SYCP1: variants seen among roughly 807,000 people sequenced by gnomAD.
SYCP1 encodes cancer/testis antigen 8.
Under a neutral mutation model 153.1 loss-of-function variants are expected in SYCP1, and 64 were observed. The ratio of observed to expected loss-of-function variants is 0.42; its 90% CI spans 0.34 to 0.51. The LOEUF (loss-of-function observed/expected upper bound fraction) is 0.51. SYCP1 is among the 20% of genes least tolerant of loss of function. The pLI is 0.06. For missense variants in SYCP1, 997 were observed against 1,049.0 expected, an observed-to-expected ratio of 0.95 and a Z score of 0.68; for synonymous variants, 384 against 341.8, an observed-to-expected ratio of 1.12 and a Z score of -1.36.
At position 114,969,410 on chromosome 1, in the gene SYCP1, C is replaced by T. The variant is rs191645158; in HGVS notation, c.2323-8147C>T. 5.9e-5 allele frequency among the ~76,000 whole-genome samples: 9 copies of T among 152,262 alleles called. No individual in the cohort carries two copies. In the South Asian group the frequency reaches 8.3e-4, roughly 14 times the overall value. On this transcript the variant is annotated intron_variant, in intron 27 of 31. Coordinates refer to ENST00000369522, the MANE Select transcript of SYCP1 (RefSeq NM_003176.4). ...ATGCTGTGGTGGGCTCTGCTTAGTTCGAACTTCCCTGTGGCTTTGTTTACA... is the reference window on the plus strand; with the variant it reads ...ATGCTGTGGTGGGCTCTGCTTAGTTTGAACTTCCCTGTGGCTTTGTTTACA...
intron 5 of SYCP1, 116 bp from the exon 6 acceptor site, chr1:114,858,431 T>A: frequency 1.3e-6 from 1 of 791,144 alleles, no homozygotes; most frequent in East Asian, 2.7e-5. Context: ...TATTAGTGCT[T>A]AAATTGAGGA....
chr1:114,906,420 G>A (rs1209695267), intron 16 of SYCP1, among the ~76,000 whole-genome samples: 2 of 151,770 alleles, frequency 1.3e-5, no homozygotes, highest in Non-Finnish European at 2.9e-5. Context: ...GCTACTTTGA[G>A]TTTATTTTGC....
intron 30 of SYCP1, among the ~76,000 whole-genome samples, chr1:114,989,171 A>T (rs1054072629): frequency 6.6e-6 from 1 of 151,910 alleles, no homozygotes; most frequent in African/African-American, 2.4e-5. Flanking sequence ...TGTCAAAACA[A>T]AACAAAACAA....
Position 114,947,716 on chromosome 1 carries a change from G to A in SYCP1, c.2322+396G>A, listed in dbSNP as rs561122898. Among the ~76,000 whole-genome samples, 157 of 149,506 alleles carry A rather than the reference G, an allele frequency of 1.1e-3. 2 individuals are homozygous for A. The highest frequency in any genetic ancestry group is 3.7e-3 in the African/African-American group (152 of 40,802). The stretch of plus-strand genomic sequence containing the variant: ...TAGTCCCAGCTACTCGGGAGGCTGA[G>A]GCAGGAGAATGGCGTGAACCCGGGA... On this transcript the variant is annotated intron_variant, in intron 27 of 31. Transcript: ENST00000369522.
At chr1:114,967,477 AG>A (rs1672203678) in intron 27 of SYCP1, among the ~76,000 whole-genome samples, 1 of 152,146 alleles carries the variant, frequency 6.6e-6, no homozygotes. Flanking sequence ...CTGTTTTATC[AG>A]AGACTAGGAT....
At chr1:114,958,823 G>A (rs530970755) in intron 27 of SYCP1, among the ~76,000 whole-genome samples, 6 of 151,128 alleles carry the variant, frequency 4.0e-5, no homozygotes, top group African/African-American at 1.2e-4. Context: ...CCAGCTACTC[G>A]GGAGGCTGAG....
At chr1:114,912,556 G>GC (rs1553193986) in intron 18 of SYCP1, among the ~76,000 whole-genome samples, 13,214 of 150,356 alleles carry the variant, frequency 0.088, 809 homozygotes, top group Non-Finnish European at 0.14. Flanking sequence ...GTTAAATTCA[G>GC]TTTTTTTTTT....
At chr1:114,878,839 A>G (rs1312652144) in intron 12 of SYCP1, among the ~76,000 whole-genome samples, 2 of 152,180 alleles carry the variant, frequency 1.3e-5, no homozygotes, top group Non-Finnish European at 2.9e-5. Context: ...CACTGCGCCT[A>G]GCAAAAATTA....
intron 17 of SYCP1, among the ~76,000 whole-genome samples, chr1:114,911,173 T>C (rs1668153072): frequency 6.6e-6 from 1 of 151,990 alleles, no homozygotes; most frequent in Non-Finnish European, 1.5e-5. Context: ...TTAATATATT[T>C]CTCCTTGATA....
rs548885628 is a variant in SYCP1 at position 114,934,257 on chromosome 1, A to G, written c.1926+7694A>G. On this transcript the variant is annotated intron_variant, in intron 23 of 31. Transcript: ENST00000369522. ...AGAAGAGAGTGGGGGCCAATATTCA[A>G]CATTCTTAAAGAAAAGAATTTTCAA... Among the ~76,000 whole-genome samples, 15 of 152,354 alleles carry G rather than the reference A, an allele frequency of 9.8e-5. No homozygotes were observed. The East Asian group carries it at 1.7e-3, about 18-fold the overall frequency.
intron 3 of SYCP1, 122 bp downstream of exon 3, chr1:114,856,779 ATACT>A (rs1032587359): frequency 4.3e-6 from 3 of 703,666 alleles, no homozygotes; most frequent in African/African-American, 3.7e-5. Flanking sequence ...GCTAGATATA[ATACT>A]TAATATAAAA....
At chr1:114,946,251 T>A (rs1670700334) in intron 25 of SYCP1, 38 bp from the exon 26 acceptor site, 1 of 1,179,878 alleles carries the variant, frequency 8.5e-7, no homozygotes, top group Non-Finnish European at 1.2e-6. Flanking sequence ...ATCTATTCAG[T>A]TTTAATATAT....
chr1:114,931,538 C>G (rs1669633579), intron 23 of SYCP1, among the ~76,000 whole-genome samples: 1 of 151,848 alleles, frequency 6.6e-6, no homozygotes, highest in South Asian at 2.1e-4. Context: ...TGTGCAAGAC[C>G]CATACAGAGA....
At chr1:114,858,885 G>A (rs1045781509) in intron 6 of SYCP1, among the ~76,000 whole-genome samples, 174 bp downstream of exon 6, 2 of 152,128 alleles carry the variant, frequency 1.3e-5, no homozygotes, top group Non-Finnish European at 2.9e-5. Flanking sequence ...CTTTAAGAAT[G>A]AGCATAGAGG....
chr1:114,970,107 CT>C (rs1310697230), intron 27 of SYCP1, among the ~76,000 whole-genome samples: 3 of 152,188 alleles, frequency 2.0e-5, no homozygotes, highest in East Asian at 3.8e-4. Context: ...TGCCAGCCCC[CT>C]GTCCCCATAT....
At chr1:114,967,390 C>T (rs1672198646) in intron 27 of SYCP1, among the ~76,000 whole-genome samples, 1 of 152,160 alleles carries the variant, frequency 6.6e-6, no homozygotes, top group African/African-American at 2.4e-5. Context: ...GGATAGTTAG[C>T]TCTTCTTGTT....
chr1:114,949,557 A>G (rs1258866502), intron 27 of SYCP1, among the ~76,000 whole-genome samples: 1 of 152,158 alleles, frequency 6.6e-6, no homozygotes. Flanking sequence ...TTATTAAGGG[A>G]GACAGGAAGG....
intron 27 of SYCP1, among the ~76,000 whole-genome samples, chr1:114,976,560 G>T (rs114537953): frequency 6.8e-6 from 1 of 146,000 alleles, no homozygotes. Flanking sequence ...GGTTTCTCCC[G>T]TCTGTCCTCT....
chr1:114,943,314 G>A (rs1449318000), intron 23 of SYCP1, among the ~76,000 whole-genome samples: 2 of 151,862 alleles, frequency 1.3e-5, no homozygotes, highest in African/African-American at 4.8e-5. Context: ...TAGCACTATT[G>A]TGTGTGTACC....
Sources: allele counts gnomAD v4.1 joint callset (sites outside exome capture counted in the v4.1 genomes callset), GRCh38; gene constraint gnomAD v4.1.1; transcripts MANE v1.5; gene names NCBI Gene and HGNC (gene_info 2026-07-23, HGNC 2026-07-21).